The following PCDHGA3 variants were observed in gnomAD, a reference collection of about 807,000 sequenced individuals.
PCDHGA3 encodes protocadherin gamma-A3.
A neutral mutation model predicts 58.5 loss-of-function variants in PCDHGA3; 40 were observed. The observed-to-expected ratio is 0.68, with a 90% CI of 0.53 to 0.89. The LOEUF (loss-of-function observed/expected upper bound fraction) is 0.89, where lower values mean the gene tolerates loss of function less well. Among genes scored for constraint, PCDHGA3 ranks in the 40% least tolerant of loss-of-function variants. The pLI is 0.00. For missense variants in PCDHGA3, 1,223 were observed against 1,195.9 expected (o/e 1.02, Z -0.33); for synonymous variants, 530 against 525.7 (o/e 1.01, Z -0.11).
intron 1 of PCDHGA3, chr5:141,433,087 A>G (rs769187557): frequency 6.2e-7 from 1 of 1,614,206 alleles, no homozygotes. Context: ...CCAACTATGC[A>G]GACATGCTCG....
At chr5:141,353,413 T>G (rs929607532) in intron 1 of PCDHGA3, among the ~76,000 whole-genome samples, 2 of 152,224 alleles carry the variant, frequency 1.3e-5, no homozygotes, top group African/African-American at 4.8e-5. Flanking sequence ...TCTTCATCAA[T>G]TACATTCTAG....
At chr5:141,433,818 C>A (rs1286718725) in intron 1 of PCDHGA3, among the ~76,000 whole-genome samples, 7 of 133,614 alleles carry the variant, frequency 5.2e-5, no homozygotes, top group African/African-American at 5.8e-5. Flanking sequence ...GCCTGGGCAA[C>A]AAGAGTGAAA....
At chr5:141,399,008 G>A (rs2093737383) in intron 1 of PCDHGA3, 4 of 1,613,904 alleles carry the variant, frequency 2.5e-6, no homozygotes, top group African/African-American at 1.3e-5. Flanking sequence ...AATTCAAAGA[G>A]CGGAGAAATT....
At chr5:141,382,300 A>C (rs1428266380) in intron 1 of PCDHGA3, among the ~76,000 whole-genome samples, 1 of 152,240 alleles carries the variant, frequency 6.6e-6, no homozygotes, top group Non-Finnish European at 1.5e-5. Flanking sequence ...AATTAATTAA[A>C]ATTTATATAC....
chr5:141,492,296 G>GACGC lies in PCDHGA3; in HGVS notation c.2425-2500_2425-2497dup, dbSNP rs540417011. 9.7e-4 allele frequency among the ~76,000 whole-genome samples: 148 copies of GACGC among 152,328 alleles called. 2 individuals are homozygous for GACGC. In the South Asian group the frequency reaches 0.014, roughly 14 times the overall value. ...GCCACGCCCCGCCAACACGTGCGCGGACGCACGCACGCACTCCTCGCACGT... is the reference window on the plus strand; with the variant it reads ...GCCACGCCCCGCCAACACGTGCGCGGACGCACGCACGCACGCACTCCTCGCACGT... On this transcript the variant is annotated intron_variant, in intron 1 of 3. Transcript: ENST00000253812.
At chr5:141,422,769 T>C (rs1274700138) in intron 1 of PCDHGA3, 1 of 1,613,852 alleles carries the variant, frequency 6.2e-7, no homozygotes, top group Admixed American at 1.7e-5. Context: ...ACACTGGTGT[T>C]CTCTATGCCC....
intron 1 of PCDHGA3, chr5:141,408,066 G>T: frequency 7.3e-7 from 1 of 1,364,656 alleles, no homozygotes; most frequent in Non-Finnish European, 9.7e-7. Flanking sequence ...CGGCTGCGCA[G>T]ACCTTTCCCA....
chr5:141,348,924 C>A (rs1449370002), intron 1 of PCDHGA3, among the ~76,000 whole-genome samples: 1 of 152,076 alleles, frequency 6.6e-6, no homozygotes, highest in African/African-American at 2.4e-5. Context: ...TGCTTTGAAC[C>A]AAGACTGGTT....
intron 1 of PCDHGA3, among the ~76,000 whole-genome samples, chr5:141,457,289 G>A (rs907200077): frequency 2.0e-5 from 3 of 152,146 alleles, no homozygotes; most frequent in Non-Finnish European, 4.4e-5. Context: ...GAAGTTCCTT[G>A]GTTTTATTTT....
intron 1 of PCDHGA3, among the ~76,000 whole-genome samples, chr5:141,352,907 G>T (rs1759141037): frequency 6.6e-6 from 1 of 152,226 alleles, no homozygotes; most frequent in Non-Finnish European, 1.5e-5. Context: ...AGGATCGCTT[G>T]AGCCCGGGAG....
chr5:141,413,322 G>A, intron 1 of PCDHGA3: 2 of 1,613,940 alleles, frequency 1.2e-6, no homozygotes, highest in Non-Finnish European at 1.7e-6. Flanking sequence ...GCTCTTTCGT[G>A]GGCAACATCT....
chr5:141,492,851 C>T (rs1289268967), intron 1 of PCDHGA3, among the ~76,000 whole-genome samples: 2 of 152,204 alleles, frequency 1.3e-5, no homozygotes, highest in Non-Finnish European at 2.9e-5. Flanking sequence ...GTGAAAGCCT[C>T]GAGCGCCCTG....
rs756216038 is a variant in PCDHGA3, at chr5:141,477,967, C to G, written c.2425-16840C>G. 1.9e-6 allele frequency: 3 copies of G among 1,614,032 alleles called. No homozygotes were observed. Among genetic ancestry groups the G allele is most frequent in the Admixed American group, 3.3e-5 (2 of 59,996 alleles). ...GTCTCTTGGGATCCCCTAACCAGAG[C>G]CTTTTTGCCATAGGGCTGCACACTG... On this transcript the variant is annotated intron_variant, in intron 1 of 3. Transcript: ENST00000253812. The surrounding 1 kb of genome is among the most constrained non-coding windows in gnomAD (Gnocchi z 4.9).
chr5:141,430,924 G>A (rs1217400258), intron 1 of PCDHGA3: 1 of 1,607,462 alleles, frequency 6.2e-7, no homozygotes, highest in Admixed American at 1.7e-5. Context: ...TGGGGCTGGA[G>A]CCCCGGGAGC....
At chr5:141,403,179 C>T (rs1341077920) in intron 1 of PCDHGA3, 1 of 1,614,000 alleles carries the variant, frequency 6.2e-7, no homozygotes, top group Admixed American at 1.7e-5. Flanking sequence ...CAGCTTTTCT[C>T]TCTGAACCCG....
At chr5:141,372,877 A>C (rs778363950) in intron 1 of PCDHGA3, 1 of 1,270,298 alleles carries the variant, frequency 7.9e-7, no homozygotes, top group South Asian at 1.5e-5. Context: ...TAGAGATAAA[A>C]AGAATACAGA....
At position 141,432,554 on chromosome 5, in the gene PCDHGA3, G is replaced by A. The variant is rs757821109; in HGVS notation, c.2425-62253G>A. The A allele has an allele frequency of 9.3e-6, 15 of 1,613,832 alleles. No homozygotes were observed. Among genetic ancestry groups the A allele is most frequent in the Non-Finnish European group, 1.3e-5 (15 of 1,180,006 alleles). On this transcript the variant is annotated intron_variant, in intron 1 of 3. Coordinates refer to ENST00000253812, the MANE Select transcript of PCDHGA3 (RefSeq NM_018916.4). The surrounding 1 kb of genome is among the most constrained non-coding windows in gnomAD (Gnocchi z 6.0). ...GGTGGTGGCGGTGGACAGAGACTCCGGCCAGAACGCCTGGCTGTCCTACCG... is the reference window on the plus strand; with the variant it reads ...GGTGGTGGCGGTGGACAGAGACTCCAGCCAGAACGCCTGGCTGTCCTACCG...
chr5:141,470,538 A>G (rs2099232733), intron 1 of PCDHGA3, among the ~76,000 whole-genome samples: 1 of 152,140 alleles, frequency 6.6e-6, no homozygotes, highest in African/African-American at 2.4e-5. Context: ...GTATCAGGTA[A>G]TATTTATTGA....
chr5:141,393,588 A>G, intron 1 of PCDHGA3: 1 of 1,613,924 alleles, frequency 6.2e-7, no homozygotes. Context: ...GCCCCCAGGC[A>G]CGCGGCTGCT....
Sources: allele counts gnomAD v4.1 joint callset (sites outside exome capture counted in the v4.1 genomes callset), GRCh38; gene constraint gnomAD v4.1.1; non-coding constraint Gnocchi (gnomAD v3.1); transcripts MANE v1.5; gene names NCBI Gene and HGNC (gene_info 2026-07-23, HGNC 2026-07-21).